Variants in PELI1 observed in about 807,000 individuals in gnomAD.
The protein encoded by PELI1 is E3 ubiquitin-protein ligase pellino homolog 1.
Under a neutral mutation model 41.3 loss-of-function variants are expected in PELI1, and 15 were observed. The ratio of observed to expected loss-of-function variants is 0.36; its 90% CI spans 0.24 to 0.56. The LOEUF (loss-of-function observed/expected upper bound fraction) is 0.56, where lower values mean the gene tolerates loss of function less well. Ranked by LOEUF, PELI1 falls within the 20% of genes least tolerant of loss-of-function variation. The pLI, the probability that PELI1 is intolerant of heterozygous loss-of-function variation, is 0.82. For missense variants in PELI1, 403 were observed against 525.5 expected (o/e 0.77, Z 2.28); for synonymous variants, 178 against 180.1 (o/e 0.99, Z 0.09).
chr2:64,123,769 G>A (rs1012491634), intron 1 of PELI1, among the ~76,000 whole-genome samples: 2 of 152,164 alleles, frequency 1.3e-5, no homozygotes, highest in African/African-American at 2.4e-5. Flanking sequence ...GTTCTCATGT[G>A]ACTCAGGAAT....
At chr2:64,095,976 T>C in intron 6 of PELI1, 149 bp downstream of exon 6, 1 of 630,888 alleles carries the variant, frequency 1.6e-6, no homozygotes, top group Non-Finnish European at 2.7e-6. Flanking sequence ...TGTCCTCTAG[T>C]ATAGAATTTG....
At chr2:64,124,583 G>C (rs1681327833) in intron 1 of PELI1, among the ~76,000 whole-genome samples, 1 of 152,208 alleles carries the variant, frequency 6.6e-6, no homozygotes, top group Non-Finnish European at 1.5e-5. Context: ...TTTCCCAAAT[G>C]AAGTGCTTTT....
intron 1 of PELI1, among the ~76,000 whole-genome samples, chr2:64,115,748 T>A (rs1489034745): frequency 2.0e-5 from 3 of 152,122 alleles, no homozygotes; most frequent in Non-Finnish European, 4.4e-5. Context: ...CTAGACAAGG[T>A]AGAATGGGGC....
intron 1 of PELI1, among the ~76,000 whole-genome samples, chr2:64,140,133 T>C (rs1239565617): frequency 6.6e-6 from 1 of 152,186 alleles, no homozygotes; most frequent in Non-Finnish European, 1.5e-5. Flanking sequence ...ACCGCGGGTA[T>C]TACATATTTT....
chr2:64,104,991 G>T (rs1461125428), intron 2 of PELI1, among the ~76,000 whole-genome samples, 161 bp from the exon 3 acceptor site: 1 of 152,066 alleles, frequency 6.6e-6, no homozygotes, highest in Non-Finnish European at 1.5e-5. Context: ...TCCATACCAG[G>T]TGCCAGTGTG....
chr2:64,138,664 T>G (rs1681796614), intron 1 of PELI1, among the ~76,000 whole-genome samples: 1 of 152,052 alleles, frequency 6.6e-6, no homozygotes, highest in African/African-American at 2.4e-5. Context: ...GAAACAGAAT[T>G]TGCAGTGACC....
At chr2:64,100,630 G>A (rs1308920745) in intron 3 of PELI1, 131 bp from the exon 4 acceptor site, 4 of 673,190 alleles carry the variant, frequency 5.9e-6, no homozygotes, top group Non-Finnish European at 1.1e-5. Flanking sequence ...CTGAAATTTA[G>A]AGAGGTTAAT....
At chr2:64,121,800 G>A (rs1189431936) in intron 1 of PELI1, among the ~76,000 whole-genome samples, 2 of 151,890 alleles carry the variant, frequency 1.3e-5, no homozygotes, top group African/African-American at 4.8e-5. Context: ...AGCTACTTGG[G>A]AGGCTGAGGC....
chr2:64,142,936 G>A (rs1681960938), intron 1 of PELI1, among the ~76,000 whole-genome samples: 1 of 152,146 alleles, frequency 6.6e-6, no homozygotes, highest in South Asian at 2.1e-4. Context: ...CGAAACAGAT[G>A]ACCTTTTCTT....
intron 1 of PELI1, among the ~76,000 whole-genome samples, chr2:64,138,277 C>T (rs912370065): frequency 3.3e-5 from 5 of 152,100 alleles, no homozygotes; most frequent in Non-Finnish European, 2.9e-5. Flanking sequence ...GTTGTAGGCA[C>T]GCTCCCATCT....
At chr2:64,104,943 T>C in intron 2 of PELI1, 113 bp from the exon 3 acceptor site, 2 of 792,782 alleles carry the variant, frequency 2.5e-6, no homozygotes, top group Non-Finnish European at 3.8e-6. Context: ...TATTAACACA[T>C]TATAATTATT....
chr2:64,118,729 CATA>C (rs1342837307), intron 1 of PELI1, among the ~76,000 whole-genome samples: 1 of 152,078 alleles, frequency 6.6e-6, no homozygotes, highest in African/African-American at 2.4e-5. Flanking sequence ...ACAAATTCTT[CATA>C]ATTTTTCCCA....
chr2:64,110,002 T>C (rs1399366074), intron 1 of PELI1, among the ~76,000 whole-genome samples: 1 of 152,114 alleles, frequency 6.6e-6, no homozygotes, highest in Non-Finnish European at 1.5e-5. Flanking sequence ...TCCAGCACTT[T>C]GGGAAGCGGA....
chr2:64,096,629 T>A lies in PELI1; in HGVS notation c.304-19A>T, dbSNP rs201153149. ...GGCCAATCTGAGGGAAAAAAAAAAA[T>A]ACCTATAAACCCATTCAAAGAGCAC... On this transcript the variant is annotated intron_variant, in intron 4 of 6. Transcript: ENST00000358912. 1.5e-5 allele frequency: 23 copies of A among 1,487,240 alleles called. No individual in the cohort carries two copies. The highest frequency in any genetic ancestry group is 7.0e-5 in the African/African-American group (5 of 71,260). The allele number at this position is 1,487,240 out of a possible 1,614,324, so 92.1% of individuals were successfully genotyped here. A position where few individuals can be genotyped will look rare whatever the true frequency, so the allele number is the denominator to read the frequency against.
chr2:64,115,455 A>G (rs1180870152), intron 1 of PELI1, among the ~76,000 whole-genome samples: 3 of 152,158 alleles, frequency 2.0e-5, no homozygotes, highest in Admixed American at 1.3e-4. Context: ...ACGTAAGATT[A>G]TTTTATTTGA....
rs1487283533 is a variant in PELI1 at position 64,136,643 on chromosome 2, C to T, written c.-70+7438G>A. Among the ~76,000 whole-genome samples, 5 of 152,244 alleles carry T rather than the reference C, an allele frequency of 3.3e-5. No homozygotes were observed. The East Asian group carries it at 7.7e-4, about 23-fold the overall frequency. Reference sequence around the variant, plus strand: ...AAATGAGGCTGGGCGCGGCGGCTCACGCCTGTAATTCCAGCACTCTGGGAG... The same window carrying T: ...AAATGAGGCTGGGCGCGGCGGCTCATGCCTGTAATTCCAGCACTCTGGGAG... On this transcript the variant is annotated intron_variant, in intron 1 of 6. Coordinates refer to ENST00000358912, the MANE Select transcript of PELI1 (RefSeq NM_020651.4).
intron 3 of PELI1, among the ~76,000 whole-genome samples, chr2:64,100,995 G>A (rs2103673031): frequency 6.6e-6 from 1 of 152,238 alleles, no homozygotes. Context: ...CTCCCAAAGT[G>A]CTAGGATTAT....
At chr2:64,103,093 TTGGCCTCTCAAGTGC>T (rs1422385482) in intron 3 of PELI1, among the ~76,000 whole-genome samples, 1 of 152,132 alleles carries the variant, frequency 6.6e-6, no homozygotes, top group African/African-American at 2.4e-5. Flanking sequence ...TCCGCCCACC[TTGGCCTCTCAAGTGC>T]TGGGATTATA....
In PELI1 at chr2:64,094,468, A is replaced by G. The variant is rs1680159132; in HGVS notation, c.*234T>C. On this transcript the variant is annotated 3_prime_UTR_variant, in exon 7 of 7. Coordinates refer to ENST00000358912, the MANE Select transcript of PELI1 (RefSeq NM_020651.4). ...ATTAGACTATGTCTTTTTCTCCTCAAAATATATTTTCAAAACTCAGAATTC... is the reference window on the plus strand; with the variant it reads ...ATTAGACTATGTCTTTTTCTCCTCAGAATATATTTTCAAAACTCAGAATTC... 2.3e-6 allele frequency: 1 copy of G among 433,884 alleles called. No individual in the cohort carries two copies. The highest frequency in any genetic ancestry group is 4.1e-6 in the Non-Finnish European group (1 of 244,708). The allele number at this position is 433,884 out of a possible 1,614,324, so 26.9% of individuals were successfully genotyped here.
Sources: gnomAD v4.1 joint callset for allele counts (sites outside exome capture counted in the v4.1 genomes callset) on GRCh38, gnomAD v4.1.1 for gene constraint, MANE v1.5 for transcripts, NCBI Gene and HGNC (gene_info 2026-07-23, HGNC 2026-07-21) for gene names.